ZNF423: variants seen among roughly 807,000 people sequenced by gnomAD.
ZNF423 encodes zinc finger protein 423, also known as Ebf-associated zinc finger protein.
In ZNF423, 12 loss-of-function variants were observed where a neutral mutation model predicts 95.8. That is an observed-to-expected ratio of 0.13 (90% CI 0.08 to 0.20). The LOEUF (loss-of-function observed/expected upper bound fraction) is 0.20, where lower values mean the gene tolerates loss of function less well. ZNF423 is among the 10% of genes least tolerant of loss of function. The pLI is 1.00. For missense variants in ZNF423, 1,316 were observed against 1,737.1 expected, an observed-to-expected ratio of 0.76 and a Z score of 4.31; for synonymous variants, 749 against 711.9, an observed-to-expected ratio of 1.05 and a Z score of -0.83.
intron 2 of ZNF423, among the ~76,000 whole-genome samples, chr16:49,744,152 C>CA (rs2033472876): frequency 6.6e-6 from 1 of 152,220 alleles, no homozygotes; most frequent in Non-Finnish European, 1.5e-5. Context: ...GACTTCCCGT[C>CA]AGTCCCCAAG....
At chr16:49,789,962 T>C (rs1261622186) in intron 1 of ZNF423, among the ~76,000 whole-genome samples, 1 of 152,124 alleles carries the variant, frequency 6.6e-6, no homozygotes, top group African/African-American at 2.4e-5. Context: ...GTCTGAGCAC[T>C]GCAACTCATG....
intron 2 of ZNF423, among the ~76,000 whole-genome samples, chr16:49,754,196 T>C (rs920256588): frequency 6.6e-6 from 1 of 151,662 alleles, no homozygotes; most frequent in African/African-American, 2.4e-5. Flanking sequence ...TGCCCCCACC[T>C]AACCTGCCCT....
intron 3 of ZNF423, among the ~76,000 whole-genome samples, chr16:49,712,243 G>C (rs1362354014): frequency 1.3e-5 from 2 of 152,218 alleles, no homozygotes; most frequent in African/African-American, 4.8e-5. Flanking sequence ...AAGTGATGCT[G>C]ATAACATAGG....
intron 3 of ZNF423, among the ~76,000 whole-genome samples, chr16:49,713,100 C>G (rs1011359519): frequency 1.1e-4 from 17 of 152,358 alleles, no homozygotes; most frequent in Middle Eastern, 6.8e-3. Flanking sequence ...TCTGCTCCAT[C>G]ATCTGTGGCC....
At chr16:49,556,864 G>A (rs1443218077) in intron 5 of ZNF423, among the ~76,000 whole-genome samples, 1 of 152,188 alleles carries the variant, frequency 6.6e-6, no homozygotes, top group Non-Finnish European at 1.5e-5. Context: ...ACACTTTACG[G>A]TGAACAGATC....
chr16:49,673,596 G>A (rs1269693307), intron 3 of ZNF423, among the ~76,000 whole-genome samples: 2 of 152,236 alleles, frequency 1.3e-5, no homozygotes, highest in Admixed American at 6.5e-5. Flanking sequence ...TCAAGCTGAT[G>A]GTACAAACAC....
chr16:49,647,876 A>C (rs919717076), intron 3 of ZNF423, among the ~76,000 whole-genome samples: 6 of 152,196 alleles, frequency 3.9e-5, no homozygotes, highest in Non-Finnish European at 8.8e-5. Flanking sequence ...TTTTGGTACC[A>C]GGAGTGGGGT....
chr16:49,554,165 A>G (rs1969743844), intron 5 of ZNF423, among the ~76,000 whole-genome samples: 1 of 152,152 alleles, frequency 6.6e-6, no homozygotes, highest in East Asian at 1.9e-4. Flanking sequence ...CCAACTTTAC[A>G]GACCCCACAC....
At chr16:49,545,968 C>T (rs1448517972) in intron 5 of ZNF423, among the ~76,000 whole-genome samples, 1 of 152,210 alleles carries the variant, frequency 6.6e-6, no homozygotes, top group South Asian at 2.1e-4. Context: ...CAGGGCTGTG[C>T]TAACTTCCTT....
intron 2 of ZNF423, among the ~76,000 whole-genome samples, chr16:49,747,747 G>A (rs967514400): frequency 3.3e-5 from 5 of 152,110 alleles, no homozygotes; most frequent in African/African-American, 1.2e-4. Context: ...GAGAACCACA[G>A]GGAAGCACAG....
Position 49,636,474 on chromosome 16 carries a change from G to C in ZNF423, c.2702C>G (p.Ala901Gly). ...CAGCAGCACCTCCATGGTGTAGGCC[G>C]CCCCACAGATGTCACAGCCGTACAT... is the stretch of plus-strand genomic sequence containing the variant. The part of the protein sequence containing the change: ...EPMYGCDICG[A>G]AYTMEVLLQN... Residue 901 changes from alanine to glycine, a missense_variant, in exon 4 of 8, where the codon GCG (alanine) becomes GGG (glycine). By Grantham distance (60) the Ala-to-Gly change is moderately conservative. Coordinates refer to ENST00000563137, the MANE Select transcript of ZNF423 (RefSeq NM_001379286.1). This position sits in a 1 kb window ranked among gnomAD's most constrained non-coding sequence, Gnocchi z 8.6. The C allele has an allele frequency of 1.2e-6, 2 of 1,613,538 alleles. No individual in the cohort carries two copies. Among genetic ancestry groups the C allele is most frequent in the African/African-American group, 1.3e-5 (1 of 75,030 alleles).
chr16:49,540,651 T>A (rs1017879609), intron 5 of ZNF423, among the ~76,000 whole-genome samples: 2 of 152,206 alleles, frequency 1.3e-5, no homozygotes, highest in Non-Finnish European at 2.9e-5. Flanking sequence ...CACCTCATGC[T>A]TTAATCACAC....
intron 5 of ZNF423, among the ~76,000 whole-genome samples, chr16:49,527,136 C>T (rs1012010956): frequency 6.6e-6 from 1 of 152,142 alleles, no homozygotes; most frequent in Non-Finnish European, 1.5e-5. Flanking sequence ...CCCAGCCATC[C>T]CCCGCACCCC....
intron 2 of ZNF423, among the ~76,000 whole-genome samples, chr16:49,754,576 C>T (rs2033690310): frequency 6.6e-6 from 1 of 152,202 alleles, no homozygotes; most frequent in South Asian, 2.1e-4. Flanking sequence ...TGAAAGCTGT[C>T]AGGTCTGCCC....
In ZNF423 at chr16:49,708,927, C is replaced by G. The variant is rs548932969; in HGVS notation, c.301+21844G>C. Among the ~76,000 whole-genome samples the G allele has an allele frequency of 2.6e-5, 4 of 152,062 alleles. No homozygotes were observed. The South Asian group carries it at 8.3e-4, about 32-fold the overall frequency. On this transcript the variant is annotated intron_variant, in intron 3 of 7. Coordinates refer to ENST00000563137, the MANE Select transcript of ZNF423 (RefSeq NM_001379286.1). The stretch of plus-strand genomic sequence containing the variant: ...ACTAATAACCCCATGAATGAATGGG[C>G]GGGGGGTAAAGATTCACATTACAAA...
chr16:49,690,766 C>A (rs2031747536), intron 3 of ZNF423, among the ~76,000 whole-genome samples: 1 of 152,130 alleles, frequency 6.6e-6, no homozygotes, highest in Non-Finnish European at 1.5e-5. Context: ...TATAGGGGCA[C>A]ACAGAGAGGT....
chr16:49,539,560 T>C (rs1236053028), intron 5 of ZNF423, among the ~76,000 whole-genome samples: 2 of 152,198 alleles, frequency 1.3e-5, no homozygotes, highest in African/African-American at 2.4e-5. Flanking sequence ...ATGAGAATGA[T>C]TGTAGTGCCT....
In ZNF423 at chr16:49,654,692, C is replaced by T. The variant is rs139493279; in HGVS notation, c.302-15818G>A. Among the ~76,000 whole-genome samples, 649 of 152,310 alleles carry T rather than the reference C, an allele frequency of 4.3e-3. 3 individuals carry two copies. Among genetic ancestry groups the T allele is most frequent in the Non-Finnish European group, 6.9e-3 (466 of 68,014 alleles). On this transcript the variant is annotated intron_variant, in intron 3 of 7. Transcript: ENST00000563137. The stretch of plus-strand genomic sequence containing the variant: ...GGTAGGACCCGTGATCATTTTAGGG[C>T]GCAGCCAAGATGGTCTTAAATAACC...
At chr16:49,693,749 G>A (rs1421919048) in intron 3 of ZNF423, among the ~76,000 whole-genome samples, 1 of 152,176 alleles carries the variant, frequency 6.6e-6, no homozygotes, top group Non-Finnish European at 1.5e-5. Context: ...CCGGAGGAAG[G>A]GGGATTAACT....
Sources: gnomAD v4.1 joint callset for allele counts (sites outside exome capture counted in the v4.1 genomes callset) on GRCh38, gnomAD v4.1.1 for gene constraint, Gnocchi (gnomAD v3.1) non-coding constraint, MANE v1.5 for transcripts, NCBI Gene and HGNC (gene_info 2026-07-23, HGNC 2026-07-21) for gene names.